Variants in BICDL1 observed in about 807,000 individuals in gnomAD.
BICDL1 encodes the protein BICD family-like cargo adapter 1.
Under a neutral mutation model 76.8 loss-of-function variants are expected in BICDL1, and 20 were observed. That is an observed-to-expected ratio of 0.26 (90% CI 0.18 to 0.38). BICDL1 has a LOEUF of 0.38. BICDL1 is among the 10% of genes least tolerant of loss of function. The probability of loss-of-function intolerance (pLI) is 1.00; values close to 1 mark genes in which losing one functional copy is unlikely to be tolerated. For synonymous variants in BICDL1, 383 were observed against 337.1 expected (o/e 1.14, Z -1.49); for missense variants, 700 against 798.6 (o/e 0.88, Z 1.49).
chr12:120,015,909 AATTT>A (rs1417782543), intron 2 of BICDL1, among the ~76,000 whole-genome samples: 1 of 152,216 alleles, frequency 6.6e-6, no homozygotes. Context: ...ATTGAAGTAT[AATTT>A]ACAGTTTATA....
rs1873390191 is a variant in BICDL1, at chr12:120,074,589, G to A, written c.1452+3G>A. ...AGCTGCAGCGACTCCACAGTCAGGT[G>A]AGCACCCCAACCTTCAGTTCAGTGC... On this transcript the variant is annotated splice_donor_region_variant and intron_variant, in intron 7 of 9. Coordinates refer to ENST00000548673, the MANE Select transcript of BICDL1 (RefSeq NM_001367886.1). The A allele has an allele frequency of 8.2e-7, 1 of 1,217,594 alleles. No individual in the cohort carries two copies. The highest frequency in any genetic ancestry group is 1.0e-6 in the Non-Finnish European group (1 of 953,638). The allele number at this position is 1,217,594 out of a possible 1,614,324, so 75.4% of individuals were successfully genotyped here. A position where few individuals can be genotyped will look rare whatever the true frequency, so the allele number is the denominator to read the frequency against.
intron 2 of BICDL1, among the ~76,000 whole-genome samples, chr12:120,020,299 A>G (rs1327109414): frequency 1.3e-5 from 2 of 152,262 alleles, no homozygotes; most frequent in Middle Eastern, 3.2e-3. Context: ...CAGAGAAGCC[A>G]GTTGGAAGGG....
intron 2 of BICDL1, chr12:120,018,975 G>A (rs1222923988): frequency 6.6e-6 from 1 of 151,166 alleles, no homozygotes; most frequent in Non-Finnish European, 1.5e-5. Context: ...AACCCGGGAG[G>A]CGGAGCTTGC....
At chr12:120,015,743 C>T (rs1464739960) in intron 2 of BICDL1, among the ~76,000 whole-genome samples, 2 of 152,128 alleles carry the variant, frequency 1.3e-5, no homozygotes, top group Admixed American at 6.6e-5. Flanking sequence ...AAGGTTGAAC[C>T]CACCCAGAGA....
intron 1 of BICDL1, among the ~76,000 whole-genome samples, chr12:119,991,686 G>A (rs911950619): frequency 6.6e-6 from 1 of 152,068 alleles, no homozygotes; most frequent in Admixed American, 6.6e-5. Flanking sequence ...TTATACTTGT[G>A]ATTTGAAATT....
chr12:120,002,659 C>T (rs1020160118), intron 2 of BICDL1, among the ~76,000 whole-genome samples: 4 of 152,114 alleles, frequency 2.6e-5, no homozygotes, highest in South Asian at 2.1e-4. Flanking sequence ...TTTAGATCTT[C>T]TTTAATTCAA....
chr12:120,092,174 C>G (rs1456499616), intron 9 of BICDL1: 2 of 985,328 alleles, frequency 2.0e-6, no homozygotes, highest in Admixed American at 1.2e-4. Flanking sequence ...GAGTCAGAAT[C>G]TAGCCACCAA....
At chr12:120,032,666 C>T (rs916870478) in intron 2 of BICDL1, among the ~76,000 whole-genome samples, 7 of 151,970 alleles carry the variant, frequency 4.6e-5, no homozygotes, top group African/African-American at 1.5e-4. Context: ...ATATTTCCAC[C>T]TTCCAGAGAT....
At chr12:120,030,101 C>T (rs994534339) in intron 2 of BICDL1, among the ~76,000 whole-genome samples, 4 of 152,182 alleles carry the variant, frequency 2.6e-5, no homozygotes, top group South Asian at 2.1e-4. Flanking sequence ...ATGATTACCA[C>T]AACCTAATTA....
At chr12:120,009,948 A>G (rs1951921550) in intron 2 of BICDL1, among the ~76,000 whole-genome samples, 1 of 152,240 alleles carries the variant, frequency 6.6e-6, no homozygotes, top group Non-Finnish European at 1.5e-5. Context: ...CTTCTGGTCT[A>G]TCTGGACCAG....
At chr12:120,023,057 A>G (rs1266331932) in intron 2 of BICDL1, among the ~76,000 whole-genome samples, 1 of 152,218 alleles carries the variant, frequency 6.6e-6, no homozygotes, top group African/African-American at 2.4e-5. Flanking sequence ...GCTTGTTACT[A>G]CCAGCCAGTA....
intron 2 of BICDL1, among the ~76,000 whole-genome samples, chr12:120,058,869 G>T (rs888791868): frequency 1.3e-5 from 2 of 152,060 alleles, no homozygotes; most frequent in Non-Finnish European, 2.9e-5. Context: ...GGGATTAGAG[G>T]CGTGAGCCAC....
chr12:120,087,067 C>T (rs921919777), intron 8 of BICDL1, among the ~76,000 whole-genome samples: 1 of 152,272 alleles, frequency 6.6e-6, no homozygotes, highest in Non-Finnish European at 1.5e-5. Context: ...TCGGCGCCAC[C>T]TGCCGGGGGA....
chr12:120,040,780 C>G (rs1173927202), intron 2 of BICDL1, among the ~76,000 whole-genome samples: 1 of 142,804 alleles, frequency 7.0e-6, no homozygotes, highest in African/African-American at 2.8e-5. Flanking sequence ...GACAGTCTCA[C>G]TCTGTCGCTC....
At chr12:120,077,633 G>A (rs1461893409) in intron 7 of BICDL1, among the ~76,000 whole-genome samples, 1 of 152,186 alleles carries the variant, frequency 6.6e-6, no homozygotes, top group Non-Finnish European at 1.5e-5. Flanking sequence ...AGTGCTGGGA[G>A]CCTGTGGGCT....
At chr12:120,025,264 A>G (rs1293909245) in intron 2 of BICDL1, among the ~76,000 whole-genome samples, 1 of 151,320 alleles carries the variant, frequency 6.6e-6, no homozygotes, top group Non-Finnish European at 1.5e-5. Context: ...GTTAGCCAGG[A>G]TGGTCTTGAT....
intron 2 of BICDL1, among the ~76,000 whole-genome samples, chr12:120,041,145 A>T (rs1952634546): frequency 6.6e-6 from 1 of 152,204 alleles, no homozygotes; most frequent in Non-Finnish European, 1.5e-5. Flanking sequence ...TATAAAGTGG[A>T]TATAACAAAT....
At chr12:120,077,435 A>AG (rs1033145004) in intron 7 of BICDL1, among the ~76,000 whole-genome samples, 5 of 152,012 alleles carry the variant, frequency 3.3e-5, no homozygotes, top group African/African-American at 4.8e-5. Context: ...GCTAGGATGC[A>AG]GGGGGGTCTT....
At chr12:120,084,846 C>A (rs922489376) in intron 8 of BICDL1, among the ~76,000 whole-genome samples, 1 of 151,174 alleles carries the variant, frequency 6.6e-6, no homozygotes, top group East Asian at 2.0e-4. Flanking sequence ...GCTGAGATCA[C>A]GCCATTGCAC....
Sources: gnomAD v4.1 joint callset for allele counts (sites outside exome capture counted in the v4.1 genomes callset) on GRCh38, gnomAD v4.1.1 for gene constraint, MANE v1.5 for transcripts, NCBI Gene and HGNC (gene_info 2026-07-23, HGNC 2026-07-21) for gene names.